SLC2A14: variants seen among roughly 807,000 people sequenced by gnomAD.
SLC2A14 encodes the protein solute carrier family 2 member 14.
Under a neutral mutation model 43.0 loss-of-function variants are expected in SLC2A14, and 13 were observed. The ratio of observed to expected loss-of-function variants is 0.30; its 90% CI spans 0.20 to 0.48. SLC2A14 has a LOEUF of 0.48. SLC2A14 is among the 20% of genes least tolerant of loss of function. The probability of loss-of-function intolerance (pLI) is 0.99; values close to 1 mark genes in which losing one functional copy is unlikely to be tolerated. For synonymous variants in SLC2A14, 190 were observed against 233.8 expected (o/e 0.81, Z 1.71); for missense variants, 428 against 620.4 (o/e 0.69, Z 3.29).
chr12:7,876,516 A>G (rs2121094661), upstream of SLC2A14, among the ~76,000 whole-genome samples: 1 of 103,998 alleles, frequency 9.6e-6, no homozygotes, highest in African/African-American at 3.6e-5. Context: ...TGGTGCAGCC[A>G]TTATGGAAAG....
intron 1 of SLC2A14, among the ~76,000 whole-genome samples, chr12:7,883,232 A>C (rs981262058): frequency 6.6e-6 from 1 of 151,124 alleles, no homozygotes; most frequent in Non-Finnish European, 1.5e-5. Context: ...AAAACCAAAC[A>C]AAACCACAAA....
chr12:7,862,801 T>G (rs528871582), intron 2 of SLC2A14, among the ~76,000 whole-genome samples: 6 of 152,276 alleles, frequency 3.9e-5, no homozygotes, highest in South Asian at 2.1e-4. Context: ...TTGACACTCT[T>G]TATCTAGCTG....
chr12:7,853,812 G>T (rs1336205292), intron 2 of SLC2A14, among the ~76,000 whole-genome samples: 1 of 152,114 alleles, frequency 6.6e-6, no homozygotes, highest in Non-Finnish European at 1.5e-5. Flanking sequence ...AACTAGAATT[G>T]ATTGTTTAGC....
intron 2 of SLC2A14, among the ~76,000 whole-genome samples, chr12:7,868,823 C>A (rs1281099043): frequency 1.3e-5 from 2 of 152,120 alleles, no homozygotes; most frequent in African/African-American, 4.8e-5. Flanking sequence ...GTCTGGCCAA[C>A]ATGGCGAAAC....
chr12:7,818,998 A>C (rs1863710627), intron 9 of SLC2A14, among the ~76,000 whole-genome samples: 1 of 152,156 alleles, frequency 6.6e-6, no homozygotes, highest in Admixed American at 6.5e-5. Flanking sequence ...CAGGTGGATC[A>C]CCTGAGGTTG....
At chr12:7,854,355 A>C (rs1182467065) in intron 2 of SLC2A14, among the ~76,000 whole-genome samples, 2 of 152,110 alleles carry the variant, frequency 1.3e-5, no homozygotes, top group African/African-American at 2.4e-5. Flanking sequence ...TATCTCCAAA[A>C]TACTCTTAGA....
intron 10 of SLC2A14, among the ~76,000 whole-genome samples, chr12:7,816,627 G>T (rs757823848): frequency 6.6e-6 from 1 of 151,722 alleles, no homozygotes; most frequent in South Asian, 2.1e-4. Flanking sequence ...ACTTTGGGAG[G>T]CTGAGGTGGG....
intron 1 of SLC2A14, among the ~76,000 whole-genome samples, chr12:7,883,595 T>TC (rs1424543230): frequency 4.5e-5 from 4 of 88,688 alleles, no homozygotes; most frequent in Admixed American, 1.4e-4. Context: ...CTTTTCTTTT[T>TC]TTTTTTTTTT....
intron 3 of SLC2A14, among the ~76,000 whole-genome samples, chr12:7,832,087 G>A (rs1408008670): frequency 6.6e-6 from 1 of 152,226 alleles, no homozygotes; most frequent in Non-Finnish European, 1.5e-5. Context: ...CGGCCTGGGT[G>A]ACAGAGCGAG....
Position 7,872,802 on chromosome 12 carries a change from C to A in SLC2A14, c.-58+5G>T, listed in dbSNP as rs1945311851. The stretch of plus-strand genomic sequence containing the variant: ...CCGGCCGCAGGGACGGCGCGGCGCA[C>A]CCACCTCCCAGACCCCGCGACTGCG... On this transcript the variant is annotated splice_donor_5th_base_variant and intron_variant, in intron 1 of 10. Transcript: ENST00000431042. 1 of 985,586 alleles carries A rather than the reference C, an allele frequency of 1.0e-6. No individual in the cohort carries two copies. 61.1% of individuals were successfully genotyped at this position (985,586 alleles called of 1,614,324 possible).
intron 2 of SLC2A14, among the ~76,000 whole-genome samples, chr12:7,854,314 TA>T (rs1448319821): frequency 1.3e-5 from 2 of 152,124 alleles, no homozygotes; most frequent in African/African-American, 4.8e-5. Flanking sequence ...ACACCTTCCA[TA>T]TCTAATCCAC....
chr12:7,890,411 A>T (rs974277788), intron 1 of SLC2A14, among the ~76,000 whole-genome samples: 1 of 152,060 alleles, frequency 6.6e-6, no homozygotes, highest in Non-Finnish European at 1.5e-5. Context: ...AAGATCGTCC[A>T]GTCTTCCCTG....
intron 2 of SLC2A14, chr12:7,856,135 G>A (rs1188539001): frequency 6.6e-6 from 1 of 152,068 alleles, no homozygotes; most frequent in Non-Finnish European, 1.5e-5. Context: ...CATGGGTTTT[G>A]TTTCCTAAAA....
At chr12:7,856,560 T>C (rs1397898842) in intron 2 of SLC2A14, 2 of 152,234 alleles carry the variant, frequency 1.3e-5, no homozygotes, top group Admixed American at 1.3e-4. Context: ...CTCTAACCCA[T>C]GTTAAACTTT....
chr12:7,858,258 T>C (rs1338663584), intron 2 of SLC2A14, among the ~76,000 whole-genome samples: 1 of 152,202 alleles, frequency 6.6e-6, no homozygotes, highest in Non-Finnish European at 1.5e-5. Context: ...AACACTATCT[T>C]ATGAAATCCA....
chr12:7,873,315 T>G (rs1204304705), upstream of SLC2A14: 2 of 985,194 alleles, frequency 2.0e-6, no homozygotes, highest in Admixed American at 6.2e-5. Flanking sequence ...GCGGGCCGGC[T>G]GGGCTGGGAA....
intron 9 of SLC2A14, among the ~76,000 whole-genome samples, chr12:7,818,690 A>ATT (rs1372500348): frequency 1.1e-4 from 11 of 96,338 alleles, no homozygotes; most frequent in African/African-American, 5.6e-4. Context: ...ACAAAAAAAT[A>ATT]CTTTTTTTTT....
upstream of SLC2A14, chr12:7,873,262 C>G (rs1945339440): frequency 1.0e-6 from 1 of 985,554 alleles, no homozygotes; most frequent in South Asian, 4.7e-5. Context: ...CCGAGCCCCT[C>G]ACCGCCTGCA....
chr12:7,877,755 T>G (rs557249982), upstream of SLC2A14, among the ~76,000 whole-genome samples: 5 of 151,868 alleles, frequency 3.3e-5, no homozygotes, highest in Non-Finnish European at 4.4e-5. Flanking sequence ...TGTTTTAAAT[T>G]CTATTTATTT....
Sources: allele counts gnomAD v4.1 joint callset (sites outside exome capture counted in the v4.1 genomes callset), GRCh38; gene constraint gnomAD v4.1.1; transcripts MANE v1.5; gene names NCBI Gene and HGNC (gene_info 2026-07-23, HGNC 2026-07-21).